The following ZNF493 variants were observed in gnomAD, a reference collection of about 807,000 sequenced individuals.
ZNF493 encodes the protein zinc finger protein 493.
Under a neutral mutation model 12.2 loss-of-function variants are expected in ZNF493, and 11 were observed. The ratio of observed to expected loss-of-function variants is 0.90; its 90% CI spans 0.57 to 1.50. The LOEUF (loss-of-function observed/expected upper bound fraction) is 1.50. ZNF493 is among the 40% of genes most tolerant of loss of function. ZNF493 has a pLI of 0.00. For synonymous variants in ZNF493, 286 were observed against 302.6 expected, an observed-to-expected ratio of 0.95 and a Z score of 0.57; for missense variants, 950 against 906.6, an observed-to-expected ratio of 1.05 and a Z score of -0.61.
intron 3 of ZNF493, among the ~76,000 whole-genome samples, chr19:21,418,564 C>T (rs1009775740): frequency 1.3e-5 from 2 of 152,148 alleles, no homozygotes; most frequent in Admixed American, 6.5e-5. Context: ...GAGACCCTAA[C>T]CCAGCGGCAC....
intron 3 of ZNF493, among the ~76,000 whole-genome samples, chr19:21,409,806 TAA>T (rs1469628222): frequency 6.6e-6 from 1 of 152,110 alleles, no homozygotes; most frequent in Non-Finnish European, 1.5e-5. Context: ...AAAAGACTTC[TAA>T]AAGTTTTACA....
chr19:21,424,227 G>C lies in ZNF493; in HGVS notation c.1568G>C (p.Gly523Ala). ...GEKPYKCEEC[G>A]KAFKRSSTLT... is the part of the protein sequence containing the mutation. ...AAACCCTACAAATGTGAAGAATGTG[G>C]CAAAGCTTTTAAACGATCTTCAACC... Residue 523 changes from glycine (G) to alanine (A), a missense_variant, in exon 4 of 4, where the codon GGC (glycine) becomes GCC (alanine). Coordinates refer to ENST00000392288, the MANE Select transcript of ZNF493 (RefSeq NM_001076678.3). The C allele has an allele frequency of 6.2e-7, 1 of 1,612,472 alleles. No homozygotes were observed. Among genetic ancestry groups the C allele is most frequent in the Non-Finnish European group, 8.5e-7 (1 of 1,178,976 alleles).
At position 21,405,746 on chromosome 19, in the gene ZNF493, T is replaced by C. The variant is rs543365437; in HGVS notation, c.158-15T>C. 2.5e-6 allele frequency: 4 copies of C among 1,603,560 alleles called. No homozygotes were observed. The Admixed American group carries it at 5.1e-5, about 20-fold the overall frequency. ...ATATGAGCAAGATTCATGTTATTTA[T>C]TTTTAATAAAGCAGGTATTGCTGTC... On this transcript the variant is annotated splice_polypyrimidine_tract_variant and intron_variant, in intron 2 of 3. Coordinates refer to ENST00000392288, the MANE Select transcript of ZNF493 (RefSeq NM_001076678.3).
At chr19:21,414,461 G>C (rs923251759) in intron 3 of ZNF493, 1 of 152,184 alleles carries the variant, frequency 6.6e-6, no homozygotes, top group Admixed American at 6.5e-5. Context: ...CTAGGCAATC[G>C]GCCATTTGAT....
At position 21,405,203 on chromosome 19, in the gene ZNF493, G is replaced by A. The variant is rs1599730913; in HGVS notation, c.105G>A (p.Gln35=). 1.2e-6 allele frequency: 2 copies of A among 1,613,966 alleles called. No homozygotes were observed. Among genetic ancestry groups the A allele is most frequent in the South Asian group, 2.2e-5 (2 of 91,064 alleles). ...GGCAATGCCTGGACACTGCTCAGCA[G>A]GATTTGTATAGGAAAGTGATGTTAG... The part of the protein sequence containing the change: ...EEWQCLDTAQ[Q]DLYRKVMLEN... The change falls in exon 2 of 4, where the codon CAG becomes CAA. Residue 35 remains glutamine, a synonymous_variant. Transcript: ENST00000392288.
At chr19:21,413,781 C>A (rs569013236) in intron 3 of ZNF493, 4 of 258,870 alleles carry the variant, frequency 1.5e-5, no homozygotes, top group Non-Finnish European at 2.2e-5. Context: ...AGTTGTTCTG[C>A]TTCTCTCTTT....
intron 3 of ZNF493, among the ~76,000 whole-genome samples, chr19:21,406,767 C>T (rs956346804): frequency 1.1e-4 from 17 of 150,424 alleles, no homozygotes; most frequent in Non-Finnish European, 1.9e-4. Flanking sequence ...TTTGGCTATT[C>T]GAAGTTTATT....
In ZNF493 at chr19:21,422,917, A is replaced by T. The variant is rs371328044; in HGVS notation, c.258A>T (p.Ile86=). The T allele has an allele frequency of 1.3e-6, 2 of 1,547,776 alleles. No homozygotes were observed. Among genetic ancestry groups the T allele is most frequent in the African/African-American group, 1.4e-5 (1 of 72,322 alleles). Residue 86 remains isoleucine (I), a synonymous_variant, in exon 4 of 4, where the codon ATA becomes ATT. Transcript: ENST00000392288. ...TGATATTTTTATTTCTTTCAGTTAT[A>T]TGTTCTCATTTTGCTGAAGACTTTT... ...GHSTVVKPPV[I]CSHFAEDFCP...
chr19:21,410,203 C>G (rs548604912), intron 3 of ZNF493, among the ~76,000 whole-genome samples: 5 of 151,564 alleles, frequency 3.3e-5, no homozygotes, highest in Non-Finnish European at 7.4e-5. Flanking sequence ...TCTTCCAGGT[C>G]TTCTGTTGCA....
intron 3 of ZNF493, chr19:21,407,724 A>G: frequency 1.0e-6 from 1 of 978,922 alleles, no homozygotes; most frequent in Non-Finnish European, 1.2e-6. Context: ...ATTTCAATGT[A>G]CTGTGGTTTT....
Position 21,424,456 on chromosome 19 carries a change from A to G in ZNF493, c.1797A>G (p.Lys599=). Residue 599 remains lysine, a synonymous_variant, in exon 4 of 4, where the codon AAA becomes AAG. Coordinates refer to ENST00000392288, the MANE Select transcript of ZNF493 (RefSeq NM_001076678.3). ...ACAAGATAATTCATACTGATAAGAA[A>G]CCCTACAAATGTGAAGAATGTGGCA... ...TKHKIIHTDK[K]PYKCEECGKA... The G allele has an allele frequency of 6.2e-7, 1 of 1,613,258 alleles. No individual in the cohort carries two copies. The highest frequency in any genetic ancestry group is 8.5e-7 in the Non-Finnish European group (1 of 1,179,696).
At chr19:21,399,532 C>T (rs1353394902) in intron 1 of ZNF493, among the ~76,000 whole-genome samples, 1 of 152,082 alleles carries the variant, frequency 6.6e-6, no homozygotes, top group Non-Finnish European at 1.5e-5. Context: ...CTTATTTTGA[C>T]CTCAGTTTTT....
chr19:21,413,484 T>C, intron 3 of ZNF493: 1 of 405,580 alleles, frequency 2.5e-6, no homozygotes, highest in Non-Finnish European at 4.3e-6. Flanking sequence ...CCGCCATCTG[T>C]GACAGCTTCT....
In ZNF493 at chr19:21,405,213, A is replaced by G. The variant is rs1195502947; in HGVS notation, c.115A>G (p.Arg39Gly). The change falls in exon 2 of 4, where the codon AGG (arginine) becomes GGG (glycine). Residue 39 changes from arginine (R) to glycine (G), a missense_variant. Transcript: ENST00000392288. ...GGACACTGCTCAGCAGGATTTGTAT[A>G]GGAAAGTGATGTTAGAGAACTACAG... ...CLDTAQQDLY[R>G]KVMLENYRNL... The G allele has an allele frequency of 6.2e-7, 1 of 1,614,024 alleles. No individual in the cohort carries two copies. The highest frequency in any genetic ancestry group is 1.7e-5 in the Admixed American group (1 of 59,966).
chr19:21,408,881 CTTTTTTTTTTT>C, intron 3 of ZNF493: 3 of 595,178 alleles, frequency 5.0e-6, no homozygotes, highest in Non-Finnish European at 6.2e-6. Context: ...TTCTTTCTTT[CTTTTTTTTTTT>C]TTTTTTTTAA....
chr19:21,410,058 G>GTATA lies in ZNF493; in HGVS notation c.253+4203_253+4204insATAT, dbSNP rs750161583. 4.2e-3 allele frequency among the ~76,000 whole-genome samples: 582 copies of GTATA among 139,822 alleles called. 5 individuals carry two copies. Among genetic ancestry groups the GTATA allele is most frequent in the East Asian group, 0.015 (68 of 4,588 alleles). The allele number at this position is 139,822 out of a possible 152,430, so 91.7% of individuals were successfully genotyped here. On this transcript the variant is annotated intron_variant, in intron 3 of 3. Transcript: ENST00000392288. The stretch of plus-strand genomic sequence containing the variant: ...TTAAGACTGAATAATATTTCATTGT[G>GTATA]TGTATATATATATATATATATATAT...
chr19:21,413,149 A>G, intron 3 of ZNF493: 1 of 302,132 alleles, frequency 3.3e-6, no homozygotes, highest in Middle Eastern at 1.2e-3. Flanking sequence ...TCTGCAATGC[A>G]ATCTTTCTAA....
chr19:21,405,852 C>A lies in ZNF493; in HGVS notation c.249C>A (p.Pro83=). Residue 83 remains proline (P), a synonymous_variant, in exon 3 of 4, where the codon CCC becomes CCA. Transcript: ENST00000392288. ...NMKGHSTVVK[P]PVICSHFAED... ...AGGGACACAGTACGGTAGTCAAACC[C>A]CCAGGTAGGTGAGAGTGAATGAAAC... 2 of 1,552,920 alleles carry A rather than the reference C, an allele frequency of 1.3e-6. No homozygotes were observed. The highest frequency in any genetic ancestry group is 1.7e-6 in the Non-Finnish European group (2 of 1,147,964).
chr19:21,420,645 T>A (rs1381660313), intron 3 of ZNF493, among the ~76,000 whole-genome samples: 24 of 118,480 alleles, frequency 2.0e-4, no homozygotes, highest in African/African-American at 7.1e-4. Flanking sequence ...TTTTTTTTTT[T>A]TTTTTTTTTT....
Sources: allele counts gnomAD v4.1 joint callset (sites outside exome capture counted in the v4.1 genomes callset), GRCh38; gene constraint gnomAD v4.1.1; transcripts MANE v1.5; gene names NCBI Gene and HGNC (gene_info 2026-07-23, HGNC 2026-07-21).